The following PIK3R4 variants were observed in gnomAD, a reference collection of about 807,000 sequenced individuals.
PIK3R4 encodes the protein phosphoinositide 3-kinase regulatory subunit 4.
Under a neutral mutation model 136.5 loss-of-function variants are expected in PIK3R4, and 46 were observed. The ratio of observed to expected loss-of-function variants is 0.34; its 90% CI spans 0.27 to 0.43. The LOEUF is 0.43. PIK3R4 is among the 20% of genes least tolerant of loss of function. PIK3R4 has a pLI of 1.00. For missense variants in PIK3R4, 1,331 were observed against 1,649.5 expected, an observed-to-expected ratio of 0.81 and a Z score of 3.35; for synonymous variants, 557 against 566.7, an observed-to-expected ratio of 0.98 and a Z score of 0.24.
At chr3:130,712,893 T>A (rs1340098854) in intron 9 of PIK3R4, among the ~76,000 whole-genome samples, 1 of 152,172 alleles carries the variant, frequency 6.6e-6, no homozygotes, top group Non-Finnish European at 1.5e-5. Flanking sequence ...TAGCTCTCTG[T>A]CCTCTGTTTA....
intron 2 of PIK3R4, among the ~76,000 whole-genome samples, chr3:130,742,785 C>G (rs948953809): frequency 6.6e-6 from 1 of 152,078 alleles, no homozygotes; most frequent in African/African-American, 2.4e-5. Context: ...CAAAATTTAC[C>G]AAAAATGGCA....
chr3:130,728,232 A>G (rs2066743772), intron 6 of PIK3R4, among the ~76,000 whole-genome samples: 1 of 152,192 alleles, frequency 6.6e-6, no homozygotes, highest in Middle Eastern at 3.2e-3. Context: ...AATATAGTTA[A>G]TGACCACACG....
intron 9 of PIK3R4, among the ~76,000 whole-genome samples, chr3:130,713,362 G>A (rs145661279): frequency 7.2e-5 from 11 of 152,302 alleles, no homozygotes; most frequent in African/African-American, 2.2e-4. Context: ...GGGGATCACT[G>A]ACAGACCAAT....
intron 2 of PIK3R4, among the ~76,000 whole-genome samples, chr3:130,740,545 C>A (rs1334003055): frequency 6.6e-6 from 1 of 152,016 alleles, no homozygotes; most frequent in Non-Finnish European, 1.5e-5. Flanking sequence ...TAAGACCAGC[C>A]TGGCCAACAT....
In PIK3R4 at chr3:130,679,277, TATTTATAACTATTAAA is replaced by T. The variant is rs2066439119; in HGVS notation, c.*22_*37del. ...TGCCTTTTCTCGAGTTATAGTATTA[TATTTATAACTATTAAA>T]ATTTATACAAATCAGTAGGTTTTAT... On this transcript the variant is annotated 3_prime_UTR_variant, in exon 20 of 20. Coordinates refer to ENST00000356763, the MANE Select transcript of PIK3R4 (RefSeq NM_014602.3). 1 of 1,273,548 alleles carries T rather than the reference TATTTATAACTATTAAA, an allele frequency of 7.9e-7. No homozygotes were observed. Among genetic ancestry groups the T allele is most frequent in the African/African-American group, 1.5e-5 (1 of 65,688 alleles). 78.9% of individuals were successfully genotyped at this position (1,273,548 alleles called of 1,614,324 possible). A position where few individuals can be genotyped will look rare whatever the true frequency, so the allele number is the denominator to read the frequency against.
intron 9 of PIK3R4, among the ~76,000 whole-genome samples, chr3:130,711,866 A>T (rs2066634152): frequency 6.6e-6 from 1 of 152,234 alleles, no homozygotes; most frequent in Non-Finnish European, 1.5e-5. Flanking sequence ...TTAACATTGC[A>T]TTATATATCT....
intron 13 of PIK3R4, among the ~76,000 whole-genome samples, chr3:130,693,621 G>C (rs1464530199): frequency 6.6e-6 from 1 of 151,960 alleles, no homozygotes; most frequent in Non-Finnish European, 1.5e-5. Flanking sequence ...TTTTAATTGG[G>C]TCATTTGTCT....
intron 2 of PIK3R4, among the ~76,000 whole-genome samples, chr3:130,736,888 T>C (rs1162437336): frequency 2.0e-5 from 3 of 152,170 alleles, no homozygotes; most frequent in Non-Finnish European, 2.9e-5. Context: ...TGCTAAAAAG[T>C]GTAGCTGTAA....
At position 130,690,798 on chromosome 3, in the gene PIK3R4, C is replaced by T. The variant is rs558980604; in HGVS notation, c.3099-144G>A. On this transcript the variant is annotated intron_variant, in intron 13 of 19. Coordinates refer to ENST00000356763, the MANE Select transcript of PIK3R4 (RefSeq NM_014602.3). ...CAGGACAAAAACAAGAATTTCCTCT[C>T]AAAAGAACTGTTACAAAAATTGCCT... 33 of 547,248 alleles carry T rather than the reference C, an allele frequency of 6.0e-5. No homozygotes were observed. In the African/African-American group the frequency reaches 6.1e-4, roughly 10 times the overall value. The allele number at this position is 547,248 out of a possible 1,614,324, so 33.9% of individuals were successfully genotyped here. A position where few individuals can be genotyped will look rare whatever the true frequency, so the allele number is the denominator to read the frequency against.
At chr3:130,715,719 T>C (rs2066660954) in intron 9 of PIK3R4, among the ~76,000 whole-genome samples, 1 of 152,222 alleles carries the variant, frequency 6.6e-6, no homozygotes, top group Admixed American at 6.5e-5. Context: ...CTGTTCACTC[T>C]GATGATGGTT....
intron 7 of PIK3R4, among the ~76,000 whole-genome samples, chr3:130,720,550 A>T (rs886848514): frequency 2.0e-5 from 3 of 152,210 alleles, no homozygotes; most frequent in Admixed American, 6.5e-5. Context: ...TATAGTTTTT[A>T]AAAGGAGTAA....
rs1374761354 is a variant in PIK3R4, at chr3:130,703,799, A to G, written c.3022T>C (p.Phe1008Leu). The G allele has an allele frequency of 1.2e-6, 2 of 1,613,346 alleles. No homozygotes were observed. Among genetic ancestry groups the G allele is most frequent in the Admixed American group, 3.3e-5 (2 of 60,020 alleles). The change falls in exon 13 of 20, where the codon TTT becomes CTT. Residue 1008 changes from phenylalanine to leucine, a missense_variant. Transcript: ENST00000356763. ...RIRVSDEHSL[F>L]ATCSNDGTVK... ...GTGCCATCATTTGAACATGTTGCAA[A>G]AAGTGAGTGTTCATCAGAGACTCTA...
In PIK3R4 at chr3:130,708,688, C is replaced by T. The variant is rs1028606647; in HGVS notation, c.2332-196G>A. On this transcript the variant is annotated intron_variant, in intron 9 of 19. Coordinates refer to ENST00000356763, the MANE Select transcript of PIK3R4 (RefSeq NM_014602.3). ...ATGTCACGACTAAGATCTCCCAGAACACTCTATTAGGGCACTTTGTAATTT... is the reference window on the plus strand; with the variant it reads ...ATGTCACGACTAAGATCTCCCAGAATACTCTATTAGGGCACTTTGTAATTT... 3.9e-5 allele frequency among the ~76,000 whole-genome samples: 6 copies of T among 152,234 alleles called. No individual in the cohort carries two copies. The East Asian group carries it at 1.2e-3, about 29-fold the overall frequency.
chr3:130,728,535 A>G lies in PIK3R4; in HGVS notation c.1735T>C (p.Ser579Pro). ...GRQKANDVLL[S>P]HMITFLNDKN... is the part of the protein sequence containing the mutation. ...TCATTTAGGAAAGTAATCATGTGGG[A>G]CAACAAAACATCGTTGGCTTTCTGA... The change falls in exon 6 of 20, where the codon TCC (serine) becomes CCC (proline). Residue 579 changes from serine to proline, a missense_variant. Physicochemically the swap from Ser to Pro is moderately conservative, Grantham distance 74. Around this residue, in one of 2 missense-constraint regions of PIK3R4, gnomAD observed 1,180 missense variants for 1,407.0 expected, o/e 0.84. Transcript: ENST00000356763. 1.2e-6 allele frequency: 2 copies of G among 1,613,892 alleles called. No homozygotes were observed. The highest frequency in any genetic ancestry group is 1.7e-6 in the Non-Finnish European group (2 of 1,179,858).
intron 2 of PIK3R4, among the ~76,000 whole-genome samples, chr3:130,738,839 A>G (rs569759432): frequency 3.3e-5 from 5 of 152,248 alleles, no homozygotes; most frequent in Non-Finnish European, 7.3e-5. Flanking sequence ...ATTAAGAATT[A>G]GTCTATACCA....
intron 7 of PIK3R4, among the ~76,000 whole-genome samples, chr3:130,718,846 C>T (rs147241064): frequency 2.6e-4 from 40 of 152,216 alleles, no homozygotes; most frequent in African/African-American, 9.1e-4. Context: ...ATTTATAACA[C>T]TGGATTAAAA....
At chr3:130,684,484 G>A in intron 15 of PIK3R4, 103 bp from the exon 16 acceptor site, 2 of 1,065,158 alleles carry the variant, frequency 1.9e-6, no homozygotes, top group Middle Eastern at 4.8e-4. Context: ...GAATTTATTT[G>A]AAAAATGCCT....
rs1031261707 is a variant in PIK3R4, at chr3:130,716,401, A to C, written c.2326T>G (p.Ser776Ala). 6.2e-7 allele frequency: 1 copy of C among 1,613,596 alleles called. No homozygotes were observed. The highest frequency in any genetic ancestry group is 8.5e-7 in the Non-Finnish European group (1 of 1,179,490). The change falls in exon 9 of 20, where the codon TCA (serine) becomes GCA (alanine). Residue 776 changes from serine to alanine, a missense_variant. Coordinates refer to ENST00000356763, the MANE Select transcript of PIK3R4 (RefSeq NM_014602.3). ...CTTTGGAAGGGTGATACAACCTGTG[A>C]GAGCAACTTCTTCAGAAGCTGTGCT... ...AIAQLLKKLL[S>A]QGMTEEEEDK...
In PIK3R4 at chr3:130,741,793, C is replaced by A. The variant is rs12489069; in HGVS notation, c.733+2693G>T. The stretch of plus-strand genomic sequence containing the variant: ...AGCTTAGTCAACTGTATTCCTGGCA[C>A]CTACGTAACAATGGCTTGCACATAA... On this transcript the variant is annotated intron_variant, in intron 2 of 19. Coordinates refer to ENST00000356763, the MANE Select transcript of PIK3R4 (RefSeq NM_014602.3). Among the ~76,000 whole-genome samples the A allele has an allele frequency of 9.0e-3, 1,364 of 152,284 alleles. 19 individuals carry two copies. The highest frequency in any genetic ancestry group is 0.052 in the East Asian group (270 of 5,182).
Sources: gnomAD v4.1 joint callset for allele counts (sites outside exome capture counted in the v4.1 genomes callset) on GRCh38, gnomAD v4.1.1 for gene constraint, gnomAD v4.1.1 regional missense constraint, MANE v1.5 for transcripts, NCBI Gene and HGNC (gene_info 2026-07-23, HGNC 2026-07-21) for gene names.